LMBR1L: variants seen among roughly 807,000 people sequenced by gnomAD.
LMBR1L encodes the protein protein LMBR1L.
A neutral mutation model predicts 67.3 loss-of-function variants in LMBR1L; 47 were observed. The observed-to-expected ratio is 0.70, with a 90% CI of 0.55 to 0.89. The LOEUF is 0.89. Among genes scored for constraint, LMBR1L ranks in the 40% least tolerant of loss-of-function variants. The probability of loss-of-function intolerance (pLI) is 0.00; values close to 1 mark genes in which losing one functional copy is unlikely to be tolerated. For missense variants in LMBR1L, 533 were observed against 599.2 expected (o/e 0.89, Z 1.15); for synonymous variants, 247 against 250.3 (o/e 0.99, Z 0.13).
rs746677096 is a variant in LMBR1L, at chr12:49,101,510, G to A, written c.970C>T (p.Leu324=). Residue 324 remains leucine (L), a synonymous_variant, in exon 12 of 17, where the codon CTG becomes TTG. Transcript: ENST00000267102. The part of the protein sequence containing the change: ...VLIVAIHILE[L]LIDEAAMPRG... ...GGCATGGCAGCCTCATCGATGAGCA[G>A]CTCCAGGATGTGGATGGCCACAATG... 14 of 1,614,018 alleles carry A rather than the reference G, an allele frequency of 8.7e-6. No homozygotes were observed. In the Admixed American group the frequency reaches 2.2e-4, roughly 25 times the overall value.
At position 49,100,392 on chromosome 12, in the gene LMBR1L, G is replaced by A; in HGVS notation, c.1236C>T (p.Thr412=). The A allele has an allele frequency of 8.1e-6, 13 of 1,612,150 alleles. No homozygotes were observed. The highest frequency in any genetic ancestry group is 1.1e-5 in the Non-Finnish European group (13 of 1,178,224). The change falls in exon 15 of 17, where the codon ACC becomes ACT. Residue 412 remains threonine, a synonymous_variant. Coordinates refer to ENST00000267102, the MANE Select transcript of LMBR1L (RefSeq NM_018113.4). Reference sequence around the variant, plus strand: ...TCTCCTCCTTTCAATACTTACCCAGGGTTCGAGAGAAGACAGGAAGTGCTG... The same window carrying A: ...TCTCCTCCTTTCAATACTTACCCAGAGTTCGAGAGAAGACAGGAAGTGCTG... ...LSSALPVFSR[T]LGLTRFDLLG... is the part of the protein sequence containing the mutation.
At chr12:49,105,481 CTA>C (rs1384821149) in intron 3 of LMBR1L, among the ~76,000 whole-genome samples, 2 of 152,176 alleles carry the variant, frequency 1.3e-5, no homozygotes, top group Admixed American at 6.5e-5. Context: ...AGTCATATCT[CTA>C]TCTTTTTCTG....
At chr12:49,101,637 T>C in intron 11 of LMBR1L, 88 bp from the exon 12 acceptor site, 4 of 951,882 alleles carry the variant, frequency 4.2e-6, no homozygotes, top group Middle Eastern at 2.8e-4. Context: ...GGTCCAACAT[T>C]TTCAGTTTCC....
chr12:49,106,288 C>G (rs986466059), intron 2 of LMBR1L: 5 of 402,658 alleles, frequency 1.2e-5, no homozygotes, highest in Admixed American at 3.6e-5. Context: ...AGGTTGGTTA[C>G]ATCAGTGGCT....
chr12:49,099,643 G>T (rs925324023), intron 15 of LMBR1L, among the ~76,000 whole-genome samples: 5 of 150,652 alleles, frequency 3.3e-5, no homozygotes, highest in African/African-American at 4.9e-5. Context: ...GTGCAATGGC[G>T]TGAGCTCAGC....
intron 3 of LMBR1L, 114 bp downstream of exon 3, chr12:49,105,810 A>C (rs1940822136): frequency 1.2e-6 from 1 of 834,308 alleles, no homozygotes; most frequent in South Asian, 1.8e-5. Context: ...GGGTGGAAAC[A>C]GAAACTCTCT....
In LMBR1L at chr12:49,104,877, A is replaced by G; in HGVS notation, c.200T>C (p.Leu67Pro). Residue 67 changes from leucine to proline, a missense_variant, in exon 4 of 17, where the codon CTG (leucine) becomes CCG (proline). By Grantham distance (98) the Leu-to-Pro change is moderately conservative (BLOSUM62 -3). Coordinates refer to ENST00000267102, the MANE Select transcript of LMBR1L (RefSeq NM_018113.4). ...GGCAATTGCCAGGGTAAAGGTGCAC[A>G]GCTCGAGCCTGGGCAGAGAAGGGGA... Reference protein sequence around the residue: ...DATVNKIALELCTFTLAIALG... With the variant: ...DATVNKIALEPCTFTLAIALG... 6.2e-7 allele frequency: 1 copy of G among 1,611,616 alleles called. No individual in the cohort carries two copies. The highest frequency in any genetic ancestry group is 1.1e-5 in the South Asian group (1 of 90,610).
Position 49,100,636 on chromosome 12 carries a change from C to A in LMBR1L, c.1093G>T (p.Val365Leu), listed in dbSNP as rs1402957177. The A allele has an allele frequency of 6.2e-7, 1 of 1,613,440 alleles. No individual in the cohort carries two copies. The highest frequency in any genetic ancestry group is 8.5e-7 in the Non-Finnish European group (1 of 1,179,512). The change falls in exon 14 of 17, where the codon GTG (valine) becomes TTG (leucine). Residue 365 changes from valine to leucine, a missense_variant. By Grantham distance (32) the Val-to-Leu change is conservative. Coordinates refer to ENST00000267102, the MANE Select transcript of LMBR1L (RefSeq NM_018113.4). ...CTATAGAAGCCCACAACTGAGGACA[C>A]CATTAGGTAACTGCCACTGCATTAA... ...IQVVLIFYLM[V>L]SSVVGFYSSP...
At chr12:49,104,593 G>C in intron 4 of LMBR1L, 42 bp from the exon 5 acceptor site, 1 of 1,577,518 alleles carries the variant, frequency 6.3e-7, no homozygotes, top group Non-Finnish European at 8.7e-7. Context: ...AGTAAGGGGA[G>C]GGGCAACCCA....
At chr12:49,104,416 G>A (rs142115350) in intron 5 of LMBR1L, 32 bp downstream of exon 5, 340 of 1,439,066 alleles carry the variant, frequency 2.4e-4, no homozygotes, top group African/African-American at 1.9e-3. Flanking sequence ...GTGGAATTCC[G>A]TTTCCTGCCT....
In LMBR1L at chr12:49,101,486, G is replaced by T; in HGVS notation, c.994C>A (p.Pro332Thr). The T allele has an allele frequency of 1.2e-6, 2 of 1,613,940 alleles. No individual in the cohort carries two copies. Among genetic ancestry groups the T allele is most frequent in the South Asian group, 1.1e-5 (1 of 91,072 alleles). ...CAGCCTGGTACCTGCATGCCTCGGG[G>T]CATGGCAGCCTCATCGATGAGCAGC... Reference protein sequence around the residue: ...LELLIDEAAMPRGMQGTSLGQ... With the variant: ...LELLIDEAAMTRGMQGTSLGQ... Residue 332 changes from proline (P) to threonine (T), a missense_variant, in exon 12 of 17, where the codon CCC becomes ACC. Coordinates refer to ENST00000267102, the MANE Select transcript of LMBR1L (RefSeq NM_018113.4).
intron 16 of LMBR1L, 61 bp downstream of exon 16, chr12:49,097,882 TG>T: frequency 1.3e-6 from 2 of 1,590,018 alleles, no homozygotes; most frequent in East Asian, 4.5e-5. Flanking sequence ...GGGTGATCCA[TG>T]TTCCAGAGTG....
intron 3 of LMBR1L, 22 bp from the exon 4 acceptor site, chr12:49,104,907 G>C (rs1265637808): frequency 6.2e-7 from 1 of 1,600,852 alleles, no homozygotes; most frequent in South Asian, 1.1e-5. Context: ...AGGGGACAGT[G>C]TCCTTGCTTA....
chr12:49,109,876 C>T, intron 1 of LMBR1L: 1 of 404,656 alleles, frequency 2.5e-6, no homozygotes, highest in South Asian at 1.8e-5. Context: ...AGGCTGGGAA[C>T]CCAGCCTTGC....
chr12:49,110,720 C>T lies in LMBR1L; in HGVS notation c.-165G>A. ...GGGCTCAGATACAGTCGTCCGGACG[C>T]CCCGCCCTTAAAGGGGCAGGCACCA... On this transcript the variant is annotated 5_prime_UTR_variant, in exon 1 of 17. Coordinates refer to ENST00000267102, the MANE Select transcript of LMBR1L (RefSeq NM_018113.4). 1.6e-6 allele frequency: 1 copy of T among 632,186 alleles called. No individual in the cohort carries two copies. Among genetic ancestry groups the T allele is most frequent in the Non-Finnish European group, 2.8e-6 (1 of 352,842 alleles). The allele number at this position is 632,186 out of a possible 1,614,324, so 39.2% of individuals were successfully genotyped here.
Position 49,106,955 on chromosome 12 carries a change from AAG to A in LMBR1L, c.157+4_157+5del. 6.2e-7 allele frequency: 1 copy of A among 1,601,858 alleles called. No individual in the cohort carries two copies. The highest frequency in any genetic ancestry group is 8.6e-7 in the Non-Finnish European group (1 of 1,168,830). Reference sequence around the variant, plus strand: ...ACTCTAGCAGGAGGGAGGGAAATCAAAGTACCTGTGGTGAACTCAGCAGGCTT... The same window carrying A: ...ACTCTAGCAGGAGGGAGGGAAATCAATACCTGTGGTGAACTCAGCAGGCTT... On this transcript the variant is annotated splice_donor_5th_base_variant and intron_variant, in intron 2 of 16. Transcript: ENST00000267102.
chr12:49,102,354 AG>A lies in LMBR1L; in HGVS notation c.791del (p.Pro264LeufsTer2). 1 of 1,614,214 alleles carries A rather than the reference AG, an allele frequency of 6.2e-7. No homozygotes were observed. The highest frequency in any genetic ancestry group is 1.6e-4 in the Middle Eastern group (1 of 6,062). Reference sequence around the variant, plus strand: ...GTCTGTGTAGCAGCTCCATGTCTAAAGGCAGCCAGCAGGAAGTAGGATCTGA... The same window carrying A: ...GTCTGTGTAGCAGCTCCATGTCTAAAGCAGCCAGCAGGAAGTAGGATCTGA... ...RICNPTSCWL[P>X]LDMELLHRQV... On this transcript the variant is annotated frameshift_variant, in exon 10 of 17. Coordinates refer to ENST00000267102, the MANE Select transcript of LMBR1L (RefSeq NM_018113.4). LOFTEE classifies it high-confidence loss of function.
chr12:49,105,113 A>C, intron 3 of LMBR1L: 1 of 525,930 alleles, frequency 1.9e-6, no homozygotes, highest in East Asian at 3.1e-5. Flanking sequence ...TCGGGCATTC[A>C]TGGGAACCTG....
intron 6 of LMBR1L, 32 bp from the exon 7 acceptor site, chr12:49,103,191 A>C: frequency 6.3e-7 from 1 of 1,581,072 alleles, no homozygotes; most frequent in Non-Finnish European, 8.7e-7. Flanking sequence ...ATGTCAGCTC[A>C]TCTCTCCTTA....
Sources: allele counts gnomAD v4.1 joint callset (sites outside exome capture counted in the v4.1 genomes callset), GRCh38; gene constraint gnomAD v4.1.1; transcripts MANE v1.5; gene names NCBI Gene and HGNC (gene_info 2026-07-23, HGNC 2026-07-21).